The following PHC2 variants were observed in gnomAD, a reference collection of about 807,000 sequenced individuals.
PHC2 encodes polyhomeotic homolog 2.
Under a neutral mutation model 87.4 loss-of-function variants are expected in PHC2, and 29 were observed. The observed-to-expected ratio is 0.33, with a 90% CI of 0.25 to 0.45. The LOEUF (loss-of-function observed/expected upper bound fraction) is 0.45. PHC2 is among the 20% of genes least tolerant of loss of function. The probability of loss-of-function intolerance (pLI) is 1.00; values close to 1 mark genes in which losing one functional copy is unlikely to be tolerated. For missense variants in PHC2, 857 were observed against 1,136.7 expected, an observed-to-expected ratio of 0.75 and a Z score of 3.54; for synonymous variants, 438 against 461.7, an observed-to-expected ratio of 0.95 and a Z score of 0.66.
chr1:33,392,100 G>A (rs1196339717), intron 1 of PHC2, among the ~76,000 whole-genome samples: 1 of 152,108 alleles, frequency 6.6e-6, no homozygotes, highest in Non-Finnish European at 1.5e-5. Flanking sequence ...CCAGGGCTCT[G>A]CACACTGTTA....
rs1646819227 is a variant in PHC2 at position 33,344,933 on chromosome 1, G to A, written c.1558+9468C>T. On this transcript the variant is annotated intron_variant, in intron 9 of 14. Transcript: ENST00000683057. ...AAAGTAGTTGCTTCATATTAGTTTT[G>A]TTTTAATTTAAAGTGTCATTTGCTT... Among the ~76,000 whole-genome samples, 5 of 151,762 alleles carry A rather than the reference G, an allele frequency of 3.3e-5. No homozygotes were observed. In the South Asian group the frequency reaches 1.0e-3, roughly 32 times the overall value.
At chr1:33,344,279 A>C (rs1428985627) in intron 9 of PHC2, among the ~76,000 whole-genome samples, 17 of 152,244 alleles carry the variant, frequency 1.1e-4, no homozygotes. Flanking sequence ...CAGGTTGATA[A>C]CAGGGAAAGG....
intron 1 of PHC2, among the ~76,000 whole-genome samples, chr1:33,419,619 A>AT (rs1184425702): frequency 6.6e-6 from 1 of 150,528 alleles, no homozygotes; most frequent in East Asian, 2.0e-4. Context: ...TCTCTTTCTT[A>AT]TTTTTTTTGA....
At chr1:33,346,129 A>T (rs915407426) in intron 9 of PHC2, 2 of 985,244 alleles carry the variant, frequency 2.0e-6, no homozygotes, top group African/African-American at 3.5e-5. Flanking sequence ...TAAGTCCCCA[A>T]AGAGAGAGCC....
intron 7 of PHC2, chr1:33,363,974 T>C: frequency 1.1e-6 from 1 of 879,344 alleles, no homozygotes; most frequent in Non-Finnish European, 1.4e-6. Flanking sequence ...CCTCTTAGGC[T>C]CTGTTCTCCG....
At chr1:33,426,363 G>A (rs1023012271) in intron 1 of PHC2, among the ~76,000 whole-genome samples, 4 of 152,100 alleles carry the variant, frequency 2.6e-5, no homozygotes, top group African/African-American at 7.2e-5. Flanking sequence ...CATCAACGTG[G>A]TTAAAAAGGC....
intron 7 of PHC2, among the ~76,000 whole-genome samples, chr1:33,356,277 G>GTATATATATATATATATATATGTA (rs1233308932): frequency 1.4e-5 from 1 of 70,182 alleles, no homozygotes; most frequent in Non-Finnish European, 3.1e-5. Flanking sequence ...ATATATATAT[G>GTATATATATATATATATATATGTA]TATATATATA....
intron 9 of PHC2, among the ~76,000 whole-genome samples, chr1:33,350,858 C>T (rs1570472500): frequency 6.7e-6 from 1 of 148,400 alleles, no homozygotes; most frequent in African/African-American, 2.6e-5. Context: ...ATTTCCTTCT[C>T]CTCTGCCTCT....
rs1456584089 is a variant in PHC2 at position 33,324,178 on chromosome 1, C to G, written c.*687G>C. 1 of 152,794 alleles carries G rather than the reference C, an allele frequency of 6.5e-6. No homozygotes were observed. Among genetic ancestry groups the G allele is most frequent in the Non-Finnish European group, 1.5e-5 (1 of 68,172 alleles). 9.5% of individuals were successfully genotyped at this position (152,794 alleles called of 1,614,324 possible). A position where few individuals can be genotyped will look rare whatever the true frequency, so the allele number is the denominator to read the frequency against. ...TCCCCATCCTGAGGCTGAGTGGAGTCCAGGACAAAGCACTAAGTGGCTGTT... is the reference window on the plus strand; with the variant it reads ...TCCCCATCCTGAGGCTGAGTGGAGTGCAGGACAAAGCACTAAGTGGCTGTT... On this transcript the variant is annotated 3_prime_UTR_variant, in exon 15 of 15. Transcript: ENST00000683057.
At chr1:33,417,931 G>A (rs1386220919) in intron 1 of PHC2, among the ~76,000 whole-genome samples, 17 of 152,000 alleles carry the variant, frequency 1.1e-4, no homozygotes, top group Admixed American at 1.1e-3. Context: ...AAAGCCATTA[G>A]GAAAATCTCT....
intron 9 of PHC2, among the ~76,000 whole-genome samples, chr1:33,350,116 T>C (rs1242834719): frequency 1.9e-4 from 29 of 151,666 alleles, no homozygotes; most frequent in Non-Finnish European, 1.5e-5. Flanking sequence ...GCTGCCCTGA[T>C]AGCCGGTGCA....
At chr1:33,416,440 GT>G (rs1454911277) in intron 1 of PHC2, among the ~76,000 whole-genome samples, 1 of 151,646 alleles carries the variant, frequency 6.6e-6, no homozygotes, top group East Asian at 1.9e-4. Context: ...GCCAGGCATG[GT>G]GGCAGGCACC....
intron 1 of PHC2, among the ~76,000 whole-genome samples, chr1:33,385,582 G>C (rs1460627250): frequency 6.6e-6 from 1 of 152,308 alleles, no homozygotes; most frequent in Non-Finnish European, 1.5e-5. Context: ...ATTACAAAGA[G>C]AGTACATTAA....
chr1:33,406,256 G>T (rs1364383697), intron 1 of PHC2, among the ~76,000 whole-genome samples: 1 of 152,014 alleles, frequency 6.6e-6, no homozygotes, highest in African/African-American at 2.4e-5. Context: ...TTTATTTCTA[G>T]AAGTATTTTC....
intron 9 of PHC2, chr1:33,336,487 T>C (rs1646639566): frequency 6.6e-6 from 1 of 152,212 alleles, no homozygotes; most frequent in Non-Finnish European, 1.5e-5. Flanking sequence ...GACACAGTTA[T>C]ACCAGTAAGT....
intron 9 of PHC2, chr1:33,345,895 A>G (rs2148250238): frequency 1.0e-6 from 1 of 985,266 alleles, no homozygotes; most frequent in East Asian, 1.1e-4. Context: ...AAAAATGTTA[A>G]ATAAGTCATT....
rs1212950592 is a variant in PHC2, at chr1:33,334,553, G to A, written c.1559-261C>T. Among the ~76,000 whole-genome samples the A allele has an allele frequency of 2.0e-5, 3 of 152,206 alleles. No individual in the cohort carries two copies. The highest frequency in any genetic ancestry group is 2.9e-5 in the Non-Finnish European group (2 of 68,044). On this transcript the variant is annotated intron_variant, in intron 9 of 14. Transcript: ENST00000683057. This position sits in a 1 kb window ranked among gnomAD's most constrained non-coding sequence, Gnocchi z 5.5. ...AGCAGTGTTTCTTCATTTCCCAACC[G>A]TGCTATGAACAGTTAACCCGGATAA...
chr1:33,394,335 CAGAA>C (rs780630891), intron 1 of PHC2, among the ~76,000 whole-genome samples: 23 of 150,632 alleles, frequency 1.5e-4, no homozygotes, highest in Admixed American at 6.0e-4. Flanking sequence ...GGAACAGCAA[CAGAA>C]AGCCAGTTTT....
chr1:33,416,741 TCAGA>T (rs1222632539), intron 1 of PHC2, among the ~76,000 whole-genome samples: 2 of 152,084 alleles, frequency 1.3e-5, no homozygotes, highest in South Asian at 2.1e-4. Context: ...ATAGAACTTT[TCAGA>T]CAAACACTGA....
Sources: gnomAD v4.1 joint callset for allele counts (sites outside exome capture counted in the v4.1 genomes callset) on GRCh38, gnomAD v4.1.1 for gene constraint, Gnocchi (gnomAD v3.1) non-coding constraint, MANE v1.5 for transcripts, NCBI Gene and HGNC (gene_info 2026-07-23, HGNC 2026-07-21) for gene names.